TNKS1BP1: variants seen among roughly 807,000 people sequenced by gnomAD.
TNKS1BP1 encodes the protein 182 kDa tankyrase-1-binding protein.
In TNKS1BP1, 48 loss-of-function variants were observed where a neutral mutation model predicts 141.1. The observed-to-expected ratio is 0.34, with a 90% CI of 0.27 to 0.43. TNKS1BP1 has a LOEUF of 0.43. TNKS1BP1 is among the 20% of genes least tolerant of loss of function. The probability of loss-of-function intolerance (pLI) is 1.00; values close to 1 mark genes in which losing one functional copy is unlikely to be tolerated. For synonymous variants in TNKS1BP1, 875 were observed against 898.2 expected, an observed-to-expected ratio of 0.97 and a Z score of 0.46; for missense variants, 2,149 against 2,226.0, an observed-to-expected ratio of 0.97 and a Z score of 0.70.
rs371484457 is a variant in TNKS1BP1 at position 57,310,554 on chromosome 11, T to A, written c.2157A>T (p.Gly719=). ...GATCTTTCTGGGACCAGCCAAGGAG[T>A]CCCTGGGAATAAGAAAAAAAAACAG... ...DTQSPSTCSE[G]LLGWSQKDLQ... is the part of the protein sequence containing the mutation. Residue 719 remains glycine, a splice_region_variant and synonymous_variant, in exon 6 of 12, where the codon GGA becomes GGT. Transcript: ENST00000358252. 1.0e-5 allele frequency: 16 copies of A among 1,587,868 alleles called. No individual in the cohort carries two copies. Among genetic ancestry groups the A allele is most frequent in the Non-Finnish European group, 1.4e-5 (16 of 1,174,522 alleles).
intron 6 of TNKS1BP1, among the ~76,000 whole-genome samples, chr11:57,304,914 G>C (rs933795721): frequency 1.3e-5 from 2 of 151,698 alleles, no homozygotes; most frequent in African/African-American, 4.8e-5. Flanking sequence ...TAAAGCGAGA[G>C]GTGGCCCAAG....
At chr11:57,311,265 AGGGCTTCG>A (rs1291176092) in intron 5 of TNKS1BP1, 1 of 985,960 alleles carries the variant, frequency 1.0e-6, no homozygotes, top group Non-Finnish European at 1.2e-6. Context: ...CCCTGGGCTC[AGGGCTTCG>A]GAGCCGGCCA....
At chr11:57,321,744 T>TGGGGCC in intron 2 of TNKS1BP1, 48 bp downstream of exon 2, 2 of 1,039,820 alleles carry the variant, frequency 1.9e-6, no homozygotes, top group Non-Finnish European at 3.0e-6. Context: ...CCTCTGTCCT[T>TGGGGCC]CCCACCCCCC....
At position 57,302,905 on chromosome 11, in the gene TNKS1BP1, C is replaced by A; in HGVS notation, c.4317-80G>T. 1 of 1,406,868 alleles carries A rather than the reference C, an allele frequency of 7.1e-7. No homozygotes were observed. The highest frequency in any genetic ancestry group is 1.6e-5 in the South Asian group (1 of 62,906). 87.1% of individuals were successfully genotyped at this position (1,406,868 alleles called of 1,614,324 possible). ...CTGAAGCCTACTTCACAAGCTCCTT[C>A]CCCCAGCCCCCAAACTCTCCCTTGC... On this transcript the variant is annotated intron_variant, in intron 6 of 11. Coordinates refer to ENST00000358252, the MANE Select transcript of TNKS1BP1 (RefSeq NM_033396.3). This position sits in a 1 kb window ranked among gnomAD's most constrained non-coding sequence, Gnocchi z 5.5.
intron 3 of TNKS1BP1, among the ~76,000 whole-genome samples, chr11:57,318,761 A>G (rs571869726): frequency 4.6e-5 from 7 of 152,300 alleles, no homozygotes; most frequent in African/African-American, 1.2e-4. Flanking sequence ...CTTGCTTTAC[A>G]CTAGTGGCAA....
At position 57,301,102 on chromosome 11, in the gene TNKS1BP1, G is replaced by A. The variant is rs148582030; in HGVS notation, c.4972-61C>T. On this transcript the variant is annotated intron_variant, in intron 9 of 11. Coordinates refer to ENST00000358252, the MANE Select transcript of TNKS1BP1 (RefSeq NM_033396.3). The stretch of plus-strand genomic sequence containing the variant: ...GGGACAGGCAGTAGGACTCTCAGGG[G>A]GTAAGACCTTATCTCAAGAGTGTGC... 3.6e-4 allele frequency: 541 copies of A among 1,486,138 alleles called. 2 individuals carry two copies. In the African/African-American group the frequency reaches 6.5e-3, roughly 18 times the overall value. The allele number at this position is 1,486,138 out of a possible 1,614,324, so 92.1% of individuals were successfully genotyped here. A position where few individuals can be genotyped will look rare whatever the true frequency, so the allele number is the denominator to read the frequency against.
intron 4 of TNKS1BP1, 91 bp downstream of exon 4, chr11:57,317,727 T>C: frequency 7.4e-7 from 1 of 1,345,522 alleles, no homozygotes. Context: ...AGTTTCCCCA[T>C]CTGAACTACA....
At chr11:57,320,020 C>CCCCCA in intron 3 of TNKS1BP1, 59 bp downstream of exon 3, 2 of 1,213,898 alleles carry the variant, frequency 1.6e-6, no homozygotes, top group Non-Finnish European at 1.2e-6. Context: ...AGCCCCCACC[C>CCCCCA]AATCCCACCC....
intron 6 of TNKS1BP1, among the ~76,000 whole-genome samples, chr11:57,307,722 TTCTCAGCTGCAAAACCA>T (rs56116246): frequency 1.9e-3 from 287 of 152,362 alleles, no homozygotes; most frequent in Non-Finnish European, 2.8e-3. Context: ...TTTAGCACGT[TTCTCAGCTGCAAAACCA>T]TCTCAGCTGG....
chr11:57,314,686 G>A (rs1458523171), intron 4 of TNKS1BP1, among the ~76,000 whole-genome samples: 2 of 152,132 alleles, frequency 1.3e-5, no homozygotes, highest in East Asian at 1.9e-4. Context: ...TGGGGAGGAC[G>A]TGGAGAGAAG....
At chr11:57,323,837 A>G (rs1391230290) in intron 1 of TNKS1BP1, among the ~76,000 whole-genome samples, 1 of 152,232 alleles carries the variant, frequency 6.6e-6, no homozygotes, top group East Asian at 1.9e-4. Flanking sequence ...ATGGAAATTA[A>G]TTGGCTCAGA....
At chr11:57,314,186 T>A (rs984564369) in intron 4 of TNKS1BP1, among the ~76,000 whole-genome samples, 3 of 152,214 alleles carry the variant, frequency 2.0e-5, no homozygotes, top group African/African-American at 7.2e-5. Flanking sequence ...CCAAAGCTCA[T>A]GTGAGGATCT....
At position 57,313,068 on chromosome 11, in the gene TNKS1BP1, A is replaced by T; in HGVS notation, c.1620T>A (p.Ser540Arg). 1 of 1,613,682 alleles carries T rather than the reference A, an allele frequency of 6.2e-7. No individual in the cohort carries two copies. Among genetic ancestry groups the T allele is most frequent in the Non-Finnish European group, 8.5e-7 (1 of 1,180,006 alleles). Residue 540 changes from serine (S) to arginine (R), a missense_variant, in exon 5 of 12, where the codon AGT becomes AGA. By Grantham distance (110) the Ser-to-Arg change is moderately radical. Transcript: ENST00000358252. ...TTGGATCATCCCCCTGCACCCAGGA[A>T]CTTCCTGACCCACTTGGAGCTGACC... ...GAGSAPSGSG[S>R]SWVQGDDPSM...
chr11:57,312,240 T>A (rs1855724079), intron 5 of TNKS1BP1, among the ~76,000 whole-genome samples: 1 of 152,172 alleles, frequency 6.6e-6, no homozygotes, highest in South Asian at 2.1e-4. Flanking sequence ...AATATAACTC[T>A]AAGAGGCCAA....
In TNKS1BP1 at chr11:57,309,416, C is replaced by G. The variant is rs141578490; in HGVS notation, c.3295G>C (p.Glu1099Gln). 1.1e-4 allele frequency: 178 copies of G among 1,614,082 alleles called. No homozygotes were observed. Among genetic ancestry groups the G allele is most frequent in the Non-Finnish European group, 1.4e-4 (170 of 1,180,046 alleles). Residue 1099 changes from glutamate to glutamine, a missense_variant, in exon 6 of 12, where the codon GAG becomes CAG. By Grantham distance (29) the Glu-to-Gln change is conservative. Transcript: ENST00000358252. The surrounding 1 kb of genome is among the most constrained non-coding windows in gnomAD (Gnocchi z 4.3). ...EFSLSVGPQR[E>Q]AAFSPGQQDW... is the part of the protein sequence containing the mutation. ...TGCTGCCCTGGGCTAAATGCTGCCT[C>G]TCGCTGGGGGCCAACACTGAGGCTA...
intron 6 of TNKS1BP1, among the ~76,000 whole-genome samples, chr11:57,307,720 G>A (rs554139620): frequency 1.1e-4 from 17 of 152,200 alleles, no homozygotes; most frequent in Non-Finnish European, 1.8e-4. Context: ...TTTTTAGCAC[G>A]TTTCTCAGCT....
At chr11:57,314,319 C>T (rs1438122249) in intron 4 of TNKS1BP1, among the ~76,000 whole-genome samples, 1 of 152,162 alleles carries the variant, frequency 6.6e-6, no homozygotes, top group Non-Finnish European at 1.5e-5. Context: ...GGTTTCGCGT[C>T]CAAGCAGGAT....
rs17151841 is a variant in TNKS1BP1 at position 57,321,787 on chromosome 11, G to A, written c.94+5C>T. On this transcript the variant is annotated splice_donor_5th_base_variant and intron_variant, in intron 2 of 11. Transcript: ENST00000358252. ...CACCTGGCTCCACCCTGCACCCATT[G>A]GTACCTGGCTCAGAGCCAGTAGGCA... is the stretch of plus-strand genomic sequence containing the variant. 0.041 allele frequency: 66,062 copies of A among 1,611,254 alleles called. 1,571 individuals carry two copies. Among genetic ancestry groups the A allele is most frequent in the South Asian group, 0.044 (3,997 of 90,902 alleles).
At chr11:57,322,438 C>T (rs1199344066) in intron 1 of TNKS1BP1, 4 of 452,560 alleles carry the variant, frequency 8.8e-6, no homozygotes, top group Non-Finnish European at 1.2e-5. Context: ...CCCTCCCTCC[C>T]GCAGCTGGGA....
Sources: allele counts gnomAD v4.1 joint callset (sites outside exome capture counted in the v4.1 genomes callset), GRCh38; gene constraint gnomAD v4.1.1; non-coding constraint Gnocchi (gnomAD v3.1); transcripts MANE v1.5; gene names NCBI Gene and HGNC (gene_info 2026-07-23, HGNC 2026-07-21).